Variants in TMOD3 observed in about 807,000 individuals in gnomAD.
TMOD3 encodes the protein tropomodulin 3, also known as tropomodulin-3.
TMOD3 carries 20 observed loss-of-function variants against 39.2 expected under a neutral mutation model. The observed-to-expected ratio is 0.51, with a 90% CI of 0.36 to 0.74. The LOEUF (loss-of-function observed/expected upper bound fraction) is 0.74. TMOD3 is among the 30% of genes least tolerant of loss of function. The pLI is 0.00. For synonymous variants in TMOD3, 143 were observed against 145.8 expected (o/e 0.98, Z 0.14); for missense variants, 381 against 412.8 (o/e 0.92, Z 0.67).
intron 1 of TMOD3, among the ~76,000 whole-genome samples, chr15:51,841,804 C>T (rs963961474): frequency 6.6e-6 from 1 of 152,176 alleles, no homozygotes; most frequent in Non-Finnish European, 1.5e-5. Context: ...GAGTCTCATT[C>T]TGTCACACAG....
At chr15:51,839,436 G>A (rs958852966) in intron 1 of TMOD3, among the ~76,000 whole-genome samples, 1 of 152,064 alleles carries the variant, frequency 6.6e-6, no homozygotes, top group Non-Finnish European at 1.5e-5. Context: ...CTCCCAAATT[G>A]CTGGGATTAC....
At chr15:51,905,950 CAAAAAAAAAAAAA>C (rs869172248) in intron 9 of TMOD3, among the ~76,000 whole-genome samples, 16 of 64,744 alleles carry the variant, frequency 2.5e-4, no homozygotes, top group African/African-American at 8.4e-4. Flanking sequence ...GACTCCGTCT[CAAAAAAAAAAAAA>C]AAAAAAAAAA....
Position 51,907,894 on chromosome 15 carries a change from C to T in TMOD3, c.1025-882C>T, listed in dbSNP as rs556696906. ...AGATACATACATGTACCGTTCTTTG[C>T]TGTAAAAGCTGAGCTAGTTGACTGG... On this transcript the variant is annotated intron_variant, in intron 9 of 9. Coordinates refer to ENST00000308580, the MANE Select transcript of TMOD3 (RefSeq NM_014547.5). 2.0e-3 allele frequency among the ~76,000 whole-genome samples: 306 copies of T among 152,322 alleles called. 1 individual carries two copies. The highest frequency in any genetic ancestry group is 7.1e-3 in the African/African-American group (294 of 41,572).
At chr15:51,871,546 A>T (rs1302459154) in intron 3 of TMOD3, among the ~76,000 whole-genome samples, 4 of 152,174 alleles carry the variant, frequency 2.6e-5, no homozygotes. Flanking sequence ...AAAATAAGAG[A>T]CCTGAAAGAA....
In TMOD3 at chr15:51,893,884, GT is replaced by G; in HGVS notation, c.569del (p.Leu190Ter). The G allele has an allele frequency of 6.2e-7, 1 of 1,610,910 alleles. No homozygotes were observed. Among genetic ancestry groups the G allele is most frequent in the South Asian group, 1.1e-5 (1 of 90,460 alleles). On this transcript the variant is annotated frameshift_variant, in exon 6 of 10. Transcript: ENST00000308580. LOFTEE classifies it high-confidence loss of function. ...EPPNPTNVEE[S>X]LKRTKENDAH... ...CCAAATCCAACCAATGTAGAAGAGA[GT>G]TTGAAGAGAACTAAAGAAAACGATG...
chr15:51,893,867 A>C lies in TMOD3; in HGVS notation c.549A>C (p.Pro183=). ...ILPVFDEPPN[P]TNVEESLKRT... is the part of the protein sequence containing the mutation. ...CGGTATTTGATGAGCCACCAAATCC[A>C]ACCAATGTAGAAGAGAGTTTGAAGA... Residue 183 remains proline (P), a synonymous_variant, in exon 6 of 10, where the codon CCA becomes CCC. Coordinates refer to ENST00000308580, the MANE Select transcript of TMOD3 (RefSeq NM_014547.5). The C allele has an allele frequency of 6.2e-7, 1 of 1,611,080 alleles. No individual in the cohort carries two copies. Among genetic ancestry groups the C allele is most frequent in the Non-Finnish European group, 8.5e-7 (1 of 1,178,236 alleles).
intron 3 of TMOD3, among the ~76,000 whole-genome samples, chr15:51,875,544 C>A (rs12441120): frequency 6.6e-6 from 1 of 151,610 alleles, no homozygotes; most frequent in Admixed American, 6.6e-5. Flanking sequence ...TGGATAACTA[C>A]ACCCACTCTG....
Position 51,880,669 on chromosome 15 carries a change from T to A in TMOD3, c.284-6920T>A, listed in dbSNP as rs192888702. On this transcript the variant is annotated intron_variant, in intron 3 of 9. Coordinates refer to ENST00000308580, the MANE Select transcript of TMOD3 (RefSeq NM_014547.5). ...TACAGTGTGTGTCAATACTTCATTC[T>A]TTTTTATGGCTGAATAATATTTTAT... is the stretch of plus-strand genomic sequence containing the variant. Among the ~76,000 whole-genome samples, 665 of 152,338 alleles carry A rather than the reference T, an allele frequency of 4.4e-3. 6 individuals carry two copies. Among genetic ancestry groups the A allele is most frequent in the African/African-American group, 0.015 (640 of 41,580 alleles).
At chr15:51,839,671 C>T (rs1024225962) in intron 1 of TMOD3, among the ~76,000 whole-genome samples, 2 of 152,110 alleles carry the variant, frequency 1.3e-5, no homozygotes, top group African/African-American at 4.8e-5. Flanking sequence ...CTCAGTCTCC[C>T]AAGTAGCTGG....
chr15:51,904,495 A>G lies in TMOD3; in HGVS notation c.1024+2459A>G, dbSNP rs556922777. Among the ~76,000 whole-genome samples, 16 of 152,326 alleles carry G rather than the reference A, an allele frequency of 1.1e-4. No homozygotes were observed. In the South Asian group the frequency reaches 2.7e-3, roughly 26 times the overall value. ...CTGAATAGCCATAAACTAAGCCAGA[A>G]GTATCCTCCATTTTTCCTCTCCTTG... On this transcript the variant is annotated intron_variant, in intron 9 of 9. Coordinates refer to ENST00000308580, the MANE Select transcript of TMOD3 (RefSeq NM_014547.5).
chr15:51,865,324 C>G (rs900266311), intron 2 of TMOD3, among the ~76,000 whole-genome samples: 5 of 152,174 alleles, frequency 3.3e-5, no homozygotes, highest in African/African-American at 1.2e-4. Context: ...TTCATGCCCT[C>G]TGTTTTACAG....
In TMOD3 at chr15:51,903,287, A is replaced by G. The variant is rs537735632; in HGVS notation, c.1024+1251A>G. Reference sequence around the variant, plus strand: ...TGAATTAAAGAATATGGTACTTAGAATTTTATTTCTACATGTTTCCAAAAG... The same window carrying G: ...TGAATTAAAGAATATGGTACTTAGAGTTTTATTTCTACATGTTTCCAAAAG... On this transcript the variant is annotated intron_variant, in intron 9 of 9. Coordinates refer to ENST00000308580, the MANE Select transcript of TMOD3 (RefSeq NM_014547.5). 2.1e-4 allele frequency among the ~76,000 whole-genome samples: 32 copies of G among 152,342 alleles called. No individual in the cohort carries two copies. In the South Asian group the frequency reaches 2.7e-3, roughly 13 times the overall value.
intron 2 of TMOD3, among the ~76,000 whole-genome samples, chr15:51,865,683 G>A (rs2056441756): frequency 6.6e-6 from 1 of 152,124 alleles, no homozygotes; most frequent in African/African-American, 2.4e-5. Flanking sequence ...TGGGTGACAT[G>A]TTTTTGGAAA....
At chr15:51,870,159 G>A (rs2056468008) in intron 3 of TMOD3, among the ~76,000 whole-genome samples, 1 of 152,094 alleles carries the variant, frequency 6.6e-6, no homozygotes, top group Non-Finnish European at 1.5e-5. Context: ...GGCTGGTCTC[G>A]AACTCCTGAC....
intron 4 of TMOD3, among the ~76,000 whole-genome samples, 159 bp downstream of exon 4, chr15:51,887,870 C>T (rs1273435842): frequency 6.6e-6 from 1 of 152,078 alleles, no homozygotes; most frequent in Non-Finnish European, 1.5e-5. Flanking sequence ...GTAAAGCTGA[C>T]GTAAAGAGTT....
intron 1 of TMOD3, among the ~76,000 whole-genome samples, chr15:51,857,619 A>T (rs2056394786): frequency 6.6e-6 from 1 of 152,200 alleles, no homozygotes. Flanking sequence ...CATTCTTGAA[A>T]GTAAAGTAAG....
chr15:51,866,309 A>G (rs1172513593), intron 2 of TMOD3, among the ~76,000 whole-genome samples: 1 of 152,084 alleles, frequency 6.6e-6, no homozygotes, highest in African/African-American at 2.4e-5. Flanking sequence ...TTTAAAAATT[A>G]GCCGGGGGCA....
At chr15:51,886,166 G>A (rs949653725) in intron 3 of TMOD3, among the ~76,000 whole-genome samples, 5 of 151,368 alleles carry the variant, frequency 3.3e-5, no homozygotes, top group African/African-American at 7.3e-5. Flanking sequence ...AGGAAGAGGC[G>A]CTCCTCACTT....
intron 1 of TMOD3, among the ~76,000 whole-genome samples, chr15:51,847,237 G>A (rs923706310): frequency 1.3e-5 from 2 of 152,212 alleles, no homozygotes; most frequent in South Asian, 2.1e-4. Flanking sequence ...GTAGTCCTCC[G>A]TGATCTGCTT....
Sources: gnomAD v4.1 joint callset for allele counts (sites outside exome capture counted in the v4.1 genomes callset) on GRCh38, gnomAD v4.1.1 for gene constraint, MANE v1.5 for transcripts, NCBI Gene and HGNC (gene_info 2026-07-23, HGNC 2026-07-21) for gene names.